Variants in PLSCR2 observed in about 807,000 individuals in gnomAD.
The protein encoded by PLSCR2 is phospholipid scramblase 2.
Under a neutral mutation model 25.3 loss-of-function variants are expected in PLSCR2, and 18 were observed. The ratio of observed to expected loss-of-function variants is 0.71; its 90% CI spans 0.49 to 1.06. PLSCR2 has a LOEUF of 1.06. Ranked by LOEUF, PLSCR2 falls within the 50% of genes least tolerant of loss-of-function variation. The probability of loss-of-function intolerance (pLI) is 0.00; values close to 1 mark genes in which losing one functional copy is unlikely to be tolerated. For synonymous variants in PLSCR2, 88 were observed against 87.3 expected (o/e 1.01, Z -0.04); for missense variants, 243 against 269.5 (o/e 0.90, Z 0.69).
intron 2 of PLSCR2, among the ~76,000 whole-genome samples, chr3:146,419,916 G>A (rs1030214851): frequency 5.9e-5 from 9 of 152,030 alleles, no homozygotes; most frequent in Middle Eastern, 3.2e-3. Context: ...TTAGGACAAC[G>A]TAATTATAGG....
At chr3:146,493,454 C>A (rs992658902) in intron 1 of PLSCR2, among the ~76,000 whole-genome samples, 1 of 152,112 alleles carries the variant, frequency 6.6e-6, no homozygotes, top group Admixed American at 6.5e-5. Flanking sequence ...GGCTTTAATC[C>A]TGTAATGCGA....
Position 146,449,375 on chromosome 3 carries a change from G to T in PLSCR2, c.484-8C>A. ...TTCATCAAGAGATGTAATCTAAATT[G>T]CAAAAAAAAAAAAAACTTAAAAATT... On this transcript the variant is annotated splice_polypyrimidine_tract_variant and splice_region_variant and intron_variant, in intron 5 of 6. Coordinates refer to ENST00000610787, the Ensembl canonical transcript of PLSCR2. The T allele has an allele frequency of 1.4e-6, 2 of 1,385,440 alleles. No individual in the cohort carries two copies. The highest frequency in any genetic ancestry group is 9.6e-7 in the Non-Finnish European group (1 of 1,044,532). The allele number at this position is 1,385,440 out of a possible 1,614,324, so 85.8% of individuals were successfully genotyped here.
intron 1 of PLSCR2, among the ~76,000 whole-genome samples, chr3:146,487,194 C>T (rs1470430684): frequency 2.6e-5 from 4 of 152,038 alleles, no homozygotes; most frequent in East Asian, 3.9e-4. Flanking sequence ...TTATGATGAA[C>T]CCACAGCCAA....
upstream of PLSCR2, among the ~76,000 whole-genome samples, chr3:146,463,424 G>C (rs2041716503): frequency 6.6e-6 from 1 of 152,092 alleles, no homozygotes; most frequent in Non-Finnish European, 1.5e-5. Flanking sequence ...CAAAGTGCTG[G>C]GATTACAGGC....
exon 6 of PLSCR2, chr3:146,449,288 T>A: frequency 6.2e-7 from 1 of 1,611,726 alleles, no homozygotes; most frequent in South Asian, 1.1e-5. Context: ...GTTGTCAGCA[T>A]CAGTAAATGC....
Position 146,477,289 on chromosome 3 carries a change from C to T in PLSCR2, c.-292-17005G>A, listed in dbSNP as rs2042322975. 5.9e-5 allele frequency among the ~76,000 whole-genome samples: 9 copies of T among 152,320 alleles called. No homozygotes were observed. The South Asian group carries it at 1.7e-3, about 28-fold the overall frequency. Reference sequence around the variant, plus strand: ...CCCAAAGCAGGGCAGAGCGTTACCTCACCTGGGAAGTGCAAAGGGTGGGGG... The same window carrying T: ...CCCAAAGCAGGGCAGAGCGTTACCTTACCTGGGAAGTGCAAAGGGTGGGGG... On this transcript the variant is annotated intron_variant, in intron 1 of 8. Coordinates refer to the PLSCR2 transcript ENST00000336685.
chr3:146,419,415 C>A (rs1295339198), intron 2 of PLSCR2, among the ~76,000 whole-genome samples: 3 of 152,066 alleles, frequency 2.0e-5, no homozygotes, highest in Middle Eastern at 3.2e-3. Context: ...CCAGCTTAAA[C>A]CCATTACACA....
chr3:146,489,975 T>C (rs2043486828), intron 1 of PLSCR2, among the ~76,000 whole-genome samples: 2 of 152,082 alleles, frequency 1.3e-5, no homozygotes, highest in African/African-American at 4.8e-5. Flanking sequence ...ATTTACCCCA[T>C]TCCGGGTCTC....
chr3:146,444,681 T>C (rs1263618357), intron 6 of PLSCR2, among the ~76,000 whole-genome samples: 2 of 151,936 alleles, frequency 1.3e-5, no homozygotes, highest in African/African-American at 4.8e-5. Context: ...AACAGGTAGG[T>C]TGCGTCTTGT....
In PLSCR2 at chr3:146,493,252, T is replaced by C. The variant is rs1285938512; in HGVS notation, c.-293+2643A>G. ...ATGATAACAGTCCCACTGGAACTATTGCAAAAAATTGAGGAGGAGGGACTA... is the reference window on the plus strand; with the variant it reads ...ATGATAACAGTCCCACTGGAACTATCGCAAAAAATTGAGGAGGAGGGACTA... On this transcript the variant is annotated intron_variant, in intron 1 of 8. Coordinates refer to the PLSCR2 transcript ENST00000336685. Among the ~76,000 whole-genome samples the C allele has an allele frequency of 3.3e-5, 5 of 152,144 alleles. No individual in the cohort carries two copies. In the East Asian group the frequency reaches 7.7e-4, roughly 23 times the overall value.
At chr3:146,473,434 T>C (rs956874546) in intron 1 of PLSCR2, among the ~76,000 whole-genome samples, 3 of 150,948 alleles carry the variant, frequency 2.0e-5, no homozygotes, top group South Asian at 2.1e-4. Context: ...CAGCCTCCCA[T>C]AGTTGGGATA....
At chr3:146,464,095 G>T (rs1399308605), upstream of PLSCR2, 1 of 285,740 alleles carries the variant, frequency 3.5e-6, no homozygotes, top group Non-Finnish European at 5.3e-6. Context: ...AGAAATCAAT[G>T]CTGTGGACCT....
At chr3:146,423,136 A>G (rs1039480363) in intron 2 of PLSCR2, among the ~76,000 whole-genome samples, 2 of 151,936 alleles carry the variant, frequency 1.3e-5, no homozygotes, top group Admixed American at 1.3e-4. Flanking sequence ...CAGATTGGCT[A>G]GACTCCCACT....
At chr3:146,464,746 C>T (rs1379312422), upstream of PLSCR2, among the ~76,000 whole-genome samples, 1 of 152,130 alleles carries the variant, frequency 6.6e-6, no homozygotes, top group African/African-American at 2.4e-5. Flanking sequence ...ACTATATACA[C>T]ATTAGTACAT....
chr3:146,401,972 C>T (rs1490841040), intron 2 of PLSCR2, among the ~76,000 whole-genome samples: 2 of 151,786 alleles, frequency 1.3e-5, no homozygotes, highest in African/African-American at 4.8e-5. Flanking sequence ...GAAATACTCT[C>T]ATATATTATT....
intron 8 of PLSCR2, among the ~76,000 whole-genome samples, chr3:146,434,124 T>C (rs1451324095): frequency 6.6e-6 from 1 of 152,144 alleles, no homozygotes; most frequent in Non-Finnish European, 1.5e-5. Context: ...GTCTTCCCTT[T>C]CTTTTTTAAT....
intron 4 of PLSCR2, among the ~76,000 whole-genome samples, 180 bp downstream of exon 4, chr3:146,455,059 G>A (rs76844938): frequency 0.012 from 1,861 of 152,238 alleles, 35 homozygotes; most frequent in African/African-American, 0.043. Flanking sequence ...TGCGGGACAC[G>A]AGGCTAACTA....
intron 2 of PLSCR2, among the ~76,000 whole-genome samples, chr3:146,410,975 A>G (rs2038828608): frequency 6.6e-6 from 1 of 152,172 alleles, no homozygotes; most frequent in Non-Finnish European, 1.5e-5. Context: ...GTGACGGCCC[A>G]TTCGAACTCC....
At chr3:146,488,895 T>A (rs983010503) in intron 1 of PLSCR2, among the ~76,000 whole-genome samples, 1 of 152,096 alleles carries the variant, frequency 6.6e-6, no homozygotes, top group African/African-American at 2.4e-5. Context: ...CTATTCACAA[T>A]AGCAAAGACA....
Sources: gnomAD v4.1 joint callset for allele counts (sites outside exome capture counted in the v4.1 genomes callset) on GRCh38, gnomAD v4.1.1 for gene constraint, MANE v1.5 for transcripts, NCBI Gene and HGNC (gene_info 2026-07-23, HGNC 2026-07-21) for gene names.